The following EIF4G3 variants were observed in gnomAD, a reference collection of about 807,000 sequenced individuals.
The protein encoded by EIF4G3 is eIF-4-gamma 3.
A neutral mutation model predicts 186.4 loss-of-function variants in EIF4G3; 34 were observed. That is an observed-to-expected ratio of 0.18 (90% CI 0.14 to 0.24). EIF4G3 has a LOEUF of 0.24. Ranked by LOEUF, EIF4G3 falls within the 10% of genes least tolerant of loss-of-function variation. The probability of loss-of-function intolerance (pLI) is 1.00; values close to 1 mark genes in which losing one functional copy is unlikely to be tolerated. For missense variants in EIF4G3, 1,536 were observed against 1,948.5 expected, an observed-to-expected ratio of 0.79 and a Z score of 3.99; for synonymous variants, 673 against 679.5, an observed-to-expected ratio of 0.99 and a Z score of 0.15.
intron 25 of EIF4G3, among the ~76,000 whole-genome samples, chr1:20,856,039 A>G (rs2074803442): frequency 6.6e-6 from 1 of 152,224 alleles, no homozygotes; most frequent in Non-Finnish European, 1.5e-5. Context: ...CTTTAAACAT[A>G]AACTTTTAGT....
chr1:21,173,481 G>A (rs192157646), intron 2 of EIF4G3, among the ~76,000 whole-genome samples: 1 of 152,262 alleles, frequency 6.6e-6, no homozygotes, highest in Admixed American at 6.5e-5. Flanking sequence ...GAAGCCAGGA[G>A]TTCGAGACCA....
At chr1:20,842,024 T>C (rs1157246763) in intron 29 of EIF4G3, among the ~76,000 whole-genome samples, 1 of 152,088 alleles carries the variant, frequency 6.6e-6, no homozygotes, top group Non-Finnish European at 1.5e-5. Context: ...TCACATTAAC[T>C]TTTTATCTAA....
chr1:20,864,147 T>C (rs1403481046), intron 22 of EIF4G3, among the ~76,000 whole-genome samples: 1 of 152,222 alleles, frequency 6.6e-6, no homozygotes, highest in Non-Finnish European at 1.5e-5. Flanking sequence ...GGGTCTTCAT[T>C]TCTGCACTAC....
At chr1:21,165,756 T>C (rs2097845663) in intron 2 of EIF4G3, among the ~76,000 whole-genome samples, 1 of 152,140 alleles carries the variant, frequency 6.6e-6, no homozygotes, top group Non-Finnish European at 1.5e-5. Context: ...ATGGTAGTAG[T>C]TGTACAATTC....
At chr1:21,082,642 C>T (rs2095824272) in intron 3 of EIF4G3, among the ~76,000 whole-genome samples, 1 of 151,938 alleles carries the variant, frequency 6.6e-6, no homozygotes, top group Admixed American at 6.6e-5. Flanking sequence ...GCAGCTCACA[C>T]CATAATCCCA....
intron 20 of EIF4G3, among the ~76,000 whole-genome samples, chr1:20,870,169 T>G (rs947637649): frequency 6.6e-6 from 1 of 152,116 alleles, no homozygotes; most frequent in Non-Finnish European, 1.5e-5. Context: ...AAGGCTGACT[T>G]GTCATGTCTG....
Position 20,904,871 on chromosome 1 carries a change from A to G in EIF4G3, c.1752+12T>C. Reference sequence around the variant, plus strand: ...CCACTGCTCTGAATATGAACTTAAGAGATTTGCTTACCTCCAATTCTGCCT... The same window carrying G: ...CCACTGCTCTGAATATGAACTTAAGGGATTTGCTTACCTCCAATTCTGCCT... On this transcript the variant is annotated intron_variant, in intron 15 of 36. Coordinates refer to ENST00000602326, the MANE Select transcript of EIF4G3 (RefSeq NM_001391906.1). The G allele has an allele frequency of 6.2e-7, 1 of 1,608,298 alleles. No homozygotes were observed. Among genetic ancestry groups the G allele is most frequent in the Admixed American group, 1.7e-5 (1 of 59,948 alleles).
At chr1:21,068,161 T>G (rs2095315875) in intron 3 of EIF4G3, among the ~76,000 whole-genome samples, 1 of 151,400 alleles carries the variant, frequency 6.6e-6, no homozygotes, top group Non-Finnish European at 1.5e-5. Context: ...TCACCTGAGG[T>G]CAGGAGTTCA....
At chr1:20,952,047 G>A (rs2096244803) in intron 12 of EIF4G3, among the ~76,000 whole-genome samples, 1 of 152,062 alleles carries the variant, frequency 6.6e-6, no homozygotes, top group Non-Finnish European at 1.5e-5. Context: ...AGGTCTCACA[G>A]CTATGAAATG....
chr1:21,024,717 A>C (rs547647193), intron 4 of EIF4G3, among the ~76,000 whole-genome samples: 2 of 149,838 alleles, frequency 1.3e-5, no homozygotes, highest in South Asian at 2.1e-4. Context: ...GTCATCACCA[A>C]TCCCTAATCT....
At chr1:20,935,652 T>C (rs2095495678) in intron 14 of EIF4G3, among the ~76,000 whole-genome samples, 1 of 152,212 alleles carries the variant, frequency 6.6e-6, no homozygotes, top group African/African-American at 2.4e-5. Context: ...ATCAGGGTTA[T>C]TGGGGTATCC....
Position 20,949,131 on chromosome 1 carries a change from T to C in EIF4G3, c.823+872A>G, listed in dbSNP as rs564894444. Among the ~76,000 whole-genome samples the C allele has an allele frequency of 3.3e-5, 5 of 152,192 alleles. No individual in the cohort carries two copies. The South Asian group carries it at 1.0e-3, about 32-fold the overall frequency. ...CAATCATTTTTAGAAATCTGAAACA[T>C]AAAGCAGGGTCAAAGTTACTTGCTT... On this transcript the variant is annotated intron_variant, in intron 13 of 36. Coordinates refer to ENST00000602326, the MANE Select transcript of EIF4G3 (RefSeq NM_001391906.1).
intron 30 of EIF4G3, among the ~76,000 whole-genome samples, chr1:20,832,156 C>T (rs2065464344): frequency 6.9e-6 from 1 of 145,708 alleles, no homozygotes; most frequent in Non-Finnish European, 1.5e-5. Flanking sequence ...ATGGTATTTC[C>T]AGTTCTAGAT....
At chr1:21,111,323 C>T in intron 2 of EIF4G3, 1 of 471,378 alleles carries the variant, frequency 2.1e-6, no homozygotes, top group Non-Finnish European at 4.4e-6. Context: ...GCTAGATTAC[C>T]TTGGGAAAAT....
chr1:20,893,748 G>T, intron 17 of EIF4G3, 112 bp from the exon 18 acceptor site: 2 of 1,256,298 alleles, frequency 1.6e-6, no homozygotes, highest in Non-Finnish European at 2.1e-6. Context: ...GTAAGCACCA[G>T]CTTTGGAACC....
chr1:20,948,279 C>T (rs1257570236), intron 13 of EIF4G3, among the ~76,000 whole-genome samples: 1 of 152,204 alleles, frequency 6.6e-6, no homozygotes, highest in African/African-American at 2.4e-5. Flanking sequence ...AAGTCGACTT[C>T]CACATTTGGT....
intron 14 of EIF4G3, among the ~76,000 whole-genome samples, chr1:20,908,570 G>C (rs560738068): frequency 6.6e-6 from 1 of 152,140 alleles, no homozygotes; most frequent in East Asian, 1.9e-4. Context: ...CAAAAAGAGC[G>C]CACCTTACAG....
In EIF4G3 at chr1:20,910,139, G is replaced by C. The variant is rs571845451; in HGVS notation, c.1664-5168C>G. The stretch of plus-strand genomic sequence containing the variant: ...AAAAGCTCGTAATTAGTGCTACGTA[G>C]CAGGATAATTTGAAAGCAATCAATT... On this transcript the variant is annotated intron_variant, in intron 14 of 36. Coordinates refer to ENST00000602326, the MANE Select transcript of EIF4G3 (RefSeq NM_001391906.1). Among the ~76,000 whole-genome samples, 9 of 152,158 alleles carry C rather than the reference G, an allele frequency of 5.9e-5. No individual in the cohort carries two copies. In the East Asian group the frequency reaches 1.7e-3, roughly 29 times the overall value.
chr1:20,857,370 G>T, intron 25 of EIF4G3, 33 bp downstream of exon 25: 1 of 1,518,746 alleles, frequency 6.6e-7, no homozygotes, highest in Non-Finnish European at 9.1e-7. Context: ...CATCAAAGGA[G>T]AGCGTAAATT....
Sources: allele counts gnomAD v4.1 joint callset (sites outside exome capture counted in the v4.1 genomes callset), GRCh38; gene constraint gnomAD v4.1.1; transcripts MANE v1.5; gene names NCBI Gene and HGNC (gene_info 2026-07-23, HGNC 2026-07-21).